The following CDH18 variants were observed in gnomAD, a reference collection of about 807,000 sequenced individuals.
CDH18 encodes the protein cadherin 18.
CDH18 carries 31 observed loss-of-function variants against 67.9 expected under a neutral mutation model. That is an observed-to-expected ratio of 0.46 (90% CI 0.34 to 0.62). CDH18 has a LOEUF of 0.62. Among genes scored for constraint, CDH18 ranks in the 20% least tolerant of loss-of-function variants. CDH18 has a pLI of 0.01. For synonymous variants in CDH18, 362 were observed against 347.2 expected (o/e 1.04, Z -0.48); for missense variants, 890 against 975.5 (o/e 0.91, Z 1.17).
chr5:20,156,315 C>T (rs1382182105), intron 2 of CDH18, among the ~76,000 whole-genome samples: 2 of 152,102 alleles, frequency 1.3e-5, no homozygotes, highest in Admixed American at 6.6e-5. Context: ...ATAGCAAAAT[C>T]ATGGAATCAA....
At chr5:19,581,660 A>G (rs1743275618) in intron 7 of CDH18, among the ~76,000 whole-genome samples, 1 of 152,030 alleles carries the variant, frequency 6.6e-6, no homozygotes, top group Non-Finnish European at 1.5e-5. Context: ...TTTTAGTTCC[A>G]AGATTGGGTA....
At chr5:20,229,202 TA>T (rs1005767182) in intron 2 of CDH18, among the ~76,000 whole-genome samples, 21 of 152,230 alleles carry the variant, frequency 1.4e-4, no homozygotes, top group African/African-American at 4.6e-4. Context: ...ATTGTTGATT[TA>T]AAAGCCCAGA....
intron 4 of CDH18, among the ~76,000 whole-genome samples, chr5:19,736,657 T>C (rs571221192): frequency 1.0e-3 from 153 of 152,310 alleles, no homozygotes; most frequent in African/African-American, 3.5e-3. Flanking sequence ...AAACGTTGCA[T>C]ATAACAAAAG....
At chr5:19,504,688 A>C (rs1176073868) in intron 10 of CDH18, among the ~76,000 whole-genome samples, 3 of 152,110 alleles carry the variant, frequency 2.0e-5, no homozygotes, top group Admixed American at 6.6e-5. Flanking sequence ...ACAAATATAT[A>C]ATGTTACCTC....
chr5:20,361,762 T>C (rs114814076), intron 1 of CDH18, among the ~76,000 whole-genome samples: 231 of 152,276 alleles, frequency 1.5e-3, no homozygotes, highest in African/African-American at 4.9e-3. Context: ...ATATAGGTTA[T>C]TTTCATCTAA....
At chr5:20,519,319 A>G (rs2126514117) in intron 1 of CDH18, among the ~76,000 whole-genome samples, 1 of 152,300 alleles carries the variant, frequency 6.6e-6, no homozygotes, top group East Asian at 1.9e-4. Context: ...TGTTCTTTGT[A>G]GGGACATGGA....
At chr5:20,135,836 C>T (rs1222799712) in intron 2 of CDH18, among the ~76,000 whole-genome samples, 1 of 152,202 alleles carries the variant, frequency 6.6e-6, no homozygotes, top group Admixed American at 6.6e-5. Flanking sequence ...TTTCTGCCTT[C>T]ATTTCATTAT....
chr5:19,884,488 T>C (rs1031142245), intron 2 of CDH18, among the ~76,000 whole-genome samples: 1 of 151,970 alleles, frequency 6.6e-6, no homozygotes, highest in Non-Finnish European at 1.5e-5. Flanking sequence ...TGAAAAGAGT[T>C]CCTATACAAA....
chr5:20,486,228 A>C (rs1348129612), intron 1 of CDH18, among the ~76,000 whole-genome samples: 1 of 152,168 alleles, frequency 6.6e-6, no homozygotes, highest in Non-Finnish European at 1.5e-5. Flanking sequence ...CATTTCATTA[A>C]GTCGAAAATA....
At chr5:20,240,618 C>A (rs1742824135) in intron 2 of CDH18, among the ~76,000 whole-genome samples, 1 of 152,094 alleles carries the variant, frequency 6.6e-6, no homozygotes, top group Non-Finnish European at 1.5e-5. Context: ...GAAATATATT[C>A]TTTCTAAAGC....
chr5:20,222,883 T>C (rs1741341808), intron 2 of CDH18, among the ~76,000 whole-genome samples: 1 of 152,106 alleles, frequency 6.6e-6, no homozygotes, highest in South Asian at 2.1e-4. Flanking sequence ...ATATTTTACC[T>C]ATAACAATTT....
At position 19,732,481 on chromosome 5, in the gene CDH18, G is replaced by A. The variant is rs1767745116; in HGVS notation, c.524-11015C>T. Among the ~76,000 whole-genome samples the A allele has an allele frequency of 5.9e-5, 9 of 152,068 alleles. No individual in the cohort carries two copies. The South Asian group carries it at 6.2e-4, about 11-fold the overall frequency. ...ATTATGCCACTGCACTCCAGTCTAC[G>A]TGACAGAGTGAGACCTTGTCTCAAA... is the stretch of plus-strand genomic sequence containing the variant. On this transcript the variant is annotated intron_variant, in intron 4 of 12. Coordinates refer to ENST00000382275, the MANE Select transcript of CDH18 (RefSeq NM_004934.5).
chr5:20,240,944 G>A lies in CDH18; in HGVS notation c.-518+14500C>T, dbSNP rs1472897. On this transcript the variant is annotated intron_variant, in intron 2 of 14. Coordinates refer to the CDH18 transcript ENST00000507958. ...ACATGAATAAAGCTAAAAGAGTAGAGTTACAGACAGATTTATATATTCATC... is the reference window on the plus strand; with the variant it reads ...ACATGAATAAAGCTAAAAGAGTAGAATTACAGACAGATTTATATATTCATC... 8.8e-3 allele frequency among the ~76,000 whole-genome samples: 1,342 copies of A among 152,256 alleles called. 23 individuals carry two copies. The highest frequency in any genetic ancestry group is 0.03 in the African/African-American group (1,234 of 41,550).
chr5:19,532,300 T>C (rs1200780469), intron 9 of CDH18, among the ~76,000 whole-genome samples: 2 of 152,230 alleles, frequency 1.3e-5, no homozygotes, highest in Admixed American at 6.5e-5. Flanking sequence ...TTATAAATTA[T>C]TGAAAATATT....
chr5:20,166,054 A>T (rs1441234013), intron 2 of CDH18, among the ~76,000 whole-genome samples: 1 of 152,152 alleles, frequency 6.6e-6, no homozygotes, highest in Non-Finnish European at 1.5e-5. Flanking sequence ...GGCAATTAAA[A>T]TAATGCCCTA....
intron 2 of CDH18, among the ~76,000 whole-genome samples, chr5:20,221,810 C>G (rs1561888873): frequency 6.6e-6 from 1 of 152,052 alleles, no homozygotes; most frequent in South Asian, 2.1e-4. Context: ...CAATAGTTTT[C>G]TATTATTGTG....
chr5:19,994,332 T>C (rs72743006), intron 2 of CDH18, among the ~76,000 whole-genome samples: 3,394 of 151,374 alleles, frequency 0.022, 57 homozygotes, highest in Non-Finnish European at 0.037. Flanking sequence ...TATACATATA[T>C]TTATACACCT....
chr5:19,986,505 T>C (rs1469397897), intron 1 of CDH18, among the ~76,000 whole-genome samples: 1 of 152,216 alleles, frequency 6.6e-6, no homozygotes, highest in African/African-American at 2.4e-5. Flanking sequence ...TTTGTTTGGT[T>C]GGTTTTTTAA....
chr5:20,439,949 T>C (rs1749487193), intron 1 of CDH18, among the ~76,000 whole-genome samples: 1 of 151,876 alleles, frequency 6.6e-6, no homozygotes, highest in African/African-American at 2.4e-5. Flanking sequence ...TTTTCAAAGA[T>C]ACTCTATCTA....
Sources: gnomAD v4.1 joint callset for allele counts (sites outside exome capture counted in the v4.1 genomes callset) on GRCh38, gnomAD v4.1.1 for gene constraint, MANE v1.5 for transcripts, NCBI Gene and HGNC (gene_info 2026-07-23, HGNC 2026-07-21) for gene names.